Variants in DYNC2I1 observed in about 807,000 individuals in gnomAD.
The protein encoded by DYNC2I1 is dynein 2 intermediate chain 1, also known as cytoplasmic dynein 2 intermediate chain 1.
DYNC2I1 carries 89 observed loss-of-function variants against 133.4 expected under a neutral mutation model. The ratio of observed to expected loss-of-function variants is 0.67; its 90% CI spans 0.56 to 0.80. The LOEUF (loss-of-function observed/expected upper bound fraction) is 0.80, where lower values mean the gene tolerates loss of function less well. DYNC2I1 is among the 30% of genes least tolerant of loss of function. The pLI is 0.00. For missense variants in DYNC2I1, 1,291 were observed against 1,314.5 expected (o/e 0.98, Z 0.28); for synonymous variants, 504 against 484.3 (o/e 1.04, Z -0.54).
chr7:158,869,246 G>C (rs1238254967), intron 1 of DYNC2I1, among the ~76,000 whole-genome samples: 1 of 145,468 alleles, frequency 6.9e-6, no homozygotes, highest in Non-Finnish European at 1.5e-5. Flanking sequence ...GGCATCTGCT[G>C]TGAGGGACCC....
chr7:158,846,714 T>G, the DYNC2I1 span, among the ~76,000 whole-genome samples: 5 of 152,250 alleles, frequency 3.3e-5, no homozygotes, highest in Non-Finnish European at 5.9e-5. Flanking sequence ...TTTTGAAATA[T>G]TCTTCAGATT....
chr7:158,859,426 G>C (rs1841673251), intron 1 of DYNC2I1, among the ~76,000 whole-genome samples: 1 of 152,084 alleles, frequency 6.6e-6, no homozygotes, highest in Admixed American at 6.5e-5. Context: ...GATGTAGTTT[G>C]TTATAGATCT....
intron 23 of DYNC2I1, among the ~76,000 whole-genome samples, chr7:158,936,592 A>C (rs1312673150): frequency 1.3e-5 from 2 of 152,240 alleles, no homozygotes; most frequent in Non-Finnish European, 2.9e-5. Flanking sequence ...CTGAAGGAAG[A>C]AATACCCCTG....
At chr7:158,933,918 G>A (rs1850480835) in intron 21 of DYNC2I1, among the ~76,000 whole-genome samples, 2 of 152,318 alleles carry the variant, frequency 1.3e-5, no homozygotes, top group South Asian at 4.1e-4. Context: ...TATAGCTGAA[G>A]AAAGAATTAG....
rs368500706 is a variant in DYNC2I1, at chr7:158,923,630, C to T, written c.2154C>T (p.His718=). Residue 718 remains histidine (H), a synonymous_variant, in exon 17 of 25, where the codon CAC becomes CAT. Transcript: ENST00000407559. ...TTTTACTGTTTGCCGGAACAGCGCA[C>T]GGCTCAGTTGTCGTCTGGGATTTGA... ...KAFLLFAGTA[H]GSVVVWDLRE... is the part of the protein sequence containing the mutation. 2.5e-5 allele frequency: 41 copies of T among 1,613,874 alleles called. No individual in the cohort carries two copies. The Middle Eastern group carries it at 4.9e-4, about 19-fold the overall frequency.
intron 7 of DYNC2I1, among the ~76,000 whole-genome samples, chr7:158,888,174 G>A (rs1430614724): frequency 6.6e-5 from 10 of 151,482 alleles, no homozygotes; most frequent in East Asian, 2.0e-4. Flanking sequence ...ATAGGCATGC[G>A]CCACCATGCC....
Position 158,941,098 on chromosome 7 carries a change from AAAG to A in DYNC2I1, c.2779-822_2779-820del, listed in dbSNP as rs1290975822. Among the ~76,000 whole-genome samples, 11 of 152,324 alleles carry A rather than the reference AAAG, an allele frequency of 7.2e-5. No homozygotes were observed. The East Asian group carries it at 1.9e-3, about 27-fold the overall frequency. ...ACTTTTAGCTAGAATAACTAAGAAA[AAAG>A]AAGACCCAAATAAAATAAAATCAGA... is the stretch of plus-strand genomic sequence containing the variant. On this transcript the variant is annotated intron_variant, in intron 23 of 24. Transcript: ENST00000407559.
intron 23 of DYNC2I1, among the ~76,000 whole-genome samples, chr7:158,939,655 C>A (rs894256515): frequency 6.6e-6 from 1 of 152,112 alleles, no homozygotes; most frequent in Admixed American, 6.6e-5. Flanking sequence ...GGTCTCAATT[C>A]TCCAATTAAA....
Position 158,856,632 on chromosome 7 carries a change from G to C in DYNC2I1, c.-104G>C, listed in dbSNP as rs969825479. 4 of 1,160,182 alleles carry C rather than the reference G, an allele frequency of 3.4e-6. No homozygotes were observed. In the African/African-American group the frequency reaches 6.4e-5, roughly 18 times the overall value. 71.9% of individuals were successfully genotyped at this position (1,160,182 alleles called of 1,614,324 possible). The stretch of plus-strand genomic sequence containing the variant: ...TCCTGCTTGTCGGTTGCTAGGCGCT[G>C]GGACGCGCCTCCCGAAGGGTGCGGG... On this transcript the variant is annotated 5_prime_UTR_variant, in exon 1 of 25. Transcript: ENST00000407559.
intron 10 of DYNC2I1, chr7:158,904,214 G>C (rs1479350396): frequency 1.3e-5 from 2 of 152,272 alleles, no homozygotes; most frequent in African/African-American, 4.8e-5. Flanking sequence ...ATGAGTGTCA[G>C]ACTTTCTTTA....
the DYNC2I1 span, among the ~76,000 whole-genome samples, chr7:158,842,456 G>A: frequency 8.5e-5 from 13 of 152,204 alleles, no homozygotes; most frequent in Non-Finnish European, 1.5e-4. Context: ...GCCTCAGTCC[G>A]TCCACCTGCT....
intron 4 of DYNC2I1, among the ~76,000 whole-genome samples, chr7:158,955,450 C>T (rs116909458): frequency 0.02 from 3,068 of 152,324 alleles, 45 homozygotes; most frequent in Non-Finnish European, 0.032. Flanking sequence ...TAGGTTTTCA[C>T]AGAACATGTC....
In DYNC2I1 at chr7:158,922,400, A is replaced by G. The variant is rs1458957244; in HGVS notation, c.1945A>G (p.Thr649Ala). Reference protein sequence around the residue: ...LQNRKVSSLHTSRVQRQMVVS... With the variant: ...LQNRKVSSLHASRVQRQMVVS... The stretch of plus-strand genomic sequence containing the variant: ...AGATCGAAAAGTATCCTCCTTGCAC[A>G]CCTCCCGAGTTCAGAGGCAGATGGT... Residue 649 changes from threonine (T) to alanine (A), a missense_variant, in exon 16 of 25, where the codon ACC becomes GCC. Transcript: ENST00000407559. 1.2e-6 allele frequency: 2 copies of G among 1,613,616 alleles called. No individual in the cohort carries two copies. The highest frequency in any genetic ancestry group is 1.7e-6 in the Non-Finnish European group (2 of 1,179,850).
rs371334329 is a variant in DYNC2I1 at position 158,941,971 on chromosome 7, C to T, written c.2825C>T (p.Ala942Val). Reference protein sequence around the residue: ...GSIRLHQLSSAFPLLQWDSST... With the variant: ...GSIRLHQLSSVFPLLQWDSST... ...ATCAGGCTGCACCAGCTGAGCTCCG[C>T]GTTTCCGCTCCTGCAGTGGGACAGC... The change falls in exon 24 of 25, where the codon GCG becomes GTG. Residue 942 changes from alanine to valine, a missense_variant. Coordinates refer to ENST00000407559, the MANE Select transcript of DYNC2I1 (RefSeq NM_018051.5). The T allele has an allele frequency of 2.1e-4, 339 of 1,612,378 alleles. No homozygotes were observed. Among genetic ancestry groups the T allele is most frequent in the Non-Finnish European group, 2.8e-4 (328 of 1,179,370 alleles).
intron 8 of DYNC2I1, among the ~76,000 whole-genome samples, chr7:158,900,875 T>C (rs2129483441): frequency 6.6e-6 from 1 of 152,176 alleles, no homozygotes; most frequent in Non-Finnish European, 1.5e-5. Context: ...TGTTCTTCAC[T>C]TCTGTTTCTG....
At chr7:158,850,111 GC>G in the DYNC2I1 span, among the ~76,000 whole-genome samples, 4 of 152,254 alleles carry the variant, frequency 2.6e-5, no homozygotes, top group Non-Finnish European at 4.4e-5. Context: ...AGCCTGCAGA[GC>G]TGGGGAGTGG....
At chr7:158,917,663 C>G (rs535710360) in intron 14 of DYNC2I1, among the ~76,000 whole-genome samples, 2 of 147,262 alleles carry the variant, frequency 1.4e-5, no homozygotes, top group South Asian at 4.4e-4. Context: ...CTAAACACCC[C>G]CTGCCCTCCA....
chr7:158,951,672 G>A (rs1042670818), intron 4 of DYNC2I1, among the ~76,000 whole-genome samples: 1 of 152,178 alleles, frequency 6.6e-6, no homozygotes, highest in Admixed American at 6.5e-5. Flanking sequence ...TGAACTGGTG[G>A]TTCTTCCCGG....
At chr7:158,906,140 CT>C in intron 11 of DYNC2I1, 49 bp downstream of exon 11, 7 of 1,506,522 alleles carry the variant, frequency 4.6e-6, no homozygotes, top group Non-Finnish European at 6.4e-6. Context: ...TTTAGCTTAA[CT>C]TTTCTTTCAC....
Sources: gnomAD v4.1 joint callset for allele counts (sites outside exome capture counted in the v4.1 genomes callset) on GRCh38, gnomAD v4.1.1 for gene constraint, MANE v1.5 for transcripts, NCBI Gene and HGNC (gene_info 2026-07-23, HGNC 2026-07-21) for gene names.